The following PIK3C3 variants were observed in gnomAD, a reference collection of about 807,000 sequenced individuals.
PIK3C3 encodes PI3-kinase type 3.
In PIK3C3, 95 loss-of-function variants were observed where a neutral mutation model predicts 126.1. The ratio of observed to expected loss-of-function variants is 0.75; its 90% confidence interval spans 0.64 to 0.89. The LOEUF is 0.89. PIK3C3 is among the 40% of genes least tolerant of loss of function. The pLI, the probability that PIK3C3 is intolerant of heterozygous loss-of-function variation, is 0.00. For synonymous variants in PIK3C3, 374 were observed against 360.0 expected, an observed-to-expected ratio of 1.04 and a Z score of -0.44; for missense variants, 829 against 1,063.2, an observed-to-expected ratio of 0.78 and a Z score of 3.06.
chr18:42,026,497 T>TTGCCCAAAGGGAG, intron 13 of PIK3C3: 1 of 152,330 alleles, frequency 6.6e-6, no homozygotes, highest in Non-Finnish European at 1.5e-5. Flanking sequence ...TCTCCCTTTG[T>TTGCCCAAAGGGAG]TGCCCAAGCT....
At chr18:42,029,268 G>T (rs773648557) in intron 14 of PIK3C3, 57 bp from the exon 15 acceptor site, 13 of 1,021,716 alleles carry the variant, frequency 1.3e-5, no homozygotes, top group Non-Finnish European at 1.7e-5. Flanking sequence ...TGCTGTTAAA[G>T]AAATCCAGAT....
intron 17 of PIK3C3, among the ~76,000 whole-genome samples, chr18:42,038,333 C>A (rs1009496467): frequency 1.3e-5 from 2 of 151,938 alleles, no homozygotes; most frequent in Non-Finnish European, 2.9e-5. Flanking sequence ...TTTTGATGAT[C>A]AAAGTTAAAT....
At chr18:42,008,608 G>C (rs1033097146) in intron 10 of PIK3C3, among the ~76,000 whole-genome samples, 1 of 152,002 alleles carries the variant, frequency 6.6e-6, no homozygotes, top group African/African-American at 2.4e-5. Flanking sequence ...GAAAAATGGT[G>C]ATCACTATCT....
chr18:42,009,944 GTT>G lies in PIK3C3; in HGVS notation c.1171-3497_1171-3496del, dbSNP rs374467405. Among the ~76,000 whole-genome samples, 47 of 152,230 alleles carry G rather than the reference GTT, an allele frequency of 3.1e-4. No individual in the cohort carries two copies. In the South Asian group the frequency reaches 9.1e-3, roughly 30 times the overall value. On this transcript the variant is annotated intron_variant, in intron 10 of 24. Coordinates refer to ENST00000262039, the MANE Select transcript of PIK3C3 (RefSeq NM_002647.4). ...CAGGGTGATGGTTGCAGAAGGTTGG[GTT>G]ACCTGTGGCAGTTTCCTAAAATAAA...
intron 15 of PIK3C3, among the ~76,000 whole-genome samples, chr18:42,031,518 G>A (rs979219317): frequency 1.3e-5 from 2 of 152,026 alleles, no homozygotes; most frequent in Admixed American, 6.6e-5. Flanking sequence ...TCTGCCTCCC[G>A]TCTTCAAGCA....
At chr18:42,054,353 G>T (rs1462141038) in intron 21 of PIK3C3, among the ~76,000 whole-genome samples, 1 of 150,722 alleles carries the variant, frequency 6.6e-6, no homozygotes, top group East Asian at 2.0e-4. Context: ...AAAGATGTAG[G>T]CTGGGAGGCT....
Position 42,064,830 on chromosome 18 carries a change from G to C in PIK3C3, c.2523G>C (p.Lys841Asn). 6.5e-7 allele frequency: 1 copy of C among 1,528,092 alleles called. No homozygotes were observed. The highest frequency in any genetic ancestry group is 9.1e-7 in the Non-Finnish European group (1 of 1,102,892). The allele number at this position is 1,528,092 out of a possible 1,614,324, so 94.7% of individuals were successfully genotyped here. ...IALEPDKTVKKVQDKFRLDLS... is the reference protein window; with the variant it reads ...IALEPDKTVKNVQDKFRLDLS... ...TTGAACCAGATAAAACTGTGAAAAA[G>C]GTAATTTTTAAGTAACATAAATGAA... The change falls in exon 23 of 25, where the codon AAG becomes AAC. Residue 841 changes from lysine (K) to asparagine (N), a missense_variant and splice_region_variant. Lys to Asn is a moderately conservative substitution (Grantham distance 94). Coordinates refer to ENST00000262039, the MANE Select transcript of PIK3C3 (RefSeq NM_002647.4).
At chr18:41,998,932 G>A (rs1184330453) in intron 9 of PIK3C3, among the ~76,000 whole-genome samples, 1 of 152,146 alleles carries the variant, frequency 6.6e-6, no homozygotes, top group Admixed American at 6.6e-5. Context: ...TATGATTTAG[G>A]TTACTTGACA....
At chr18:42,046,945 G>A (rs1002669081) in intron 20 of PIK3C3, among the ~76,000 whole-genome samples, 1 of 152,062 alleles carries the variant, frequency 6.6e-6, no homozygotes. Flanking sequence ...CTGAGCCAGG[G>A]CAAAAGACCC....
chr18:41,989,315 C>G (rs553918935), intron 5 of PIK3C3, among the ~76,000 whole-genome samples: 5 of 152,192 alleles, frequency 3.3e-5, no homozygotes, highest in Middle Eastern at 3.4e-3. Flanking sequence ...AAGCAGTCCT[C>G]CCACCTCCCA....
At chr18:42,002,464 A>G (rs1982334555) in intron 9 of PIK3C3, among the ~76,000 whole-genome samples, 1 of 152,220 alleles carries the variant, frequency 6.6e-6, no homozygotes, top group African/African-American at 2.4e-5. Context: ...AAGGTTGTCC[A>G]CATCGTATGG....
intron 1 of PIK3C3, 141 bp from the exon 2 acceptor site, chr18:41,957,429 C>A: frequency 1.4e-6 from 1 of 690,046 alleles, no homozygotes; most frequent in South Asian, 2.4e-5. Context: ...AGGTAGCATA[C>A]CTTAACACAA....
intron 20 of PIK3C3, 139 bp from the exon 21 acceptor site, chr18:42,049,392 A>C: frequency 3.9e-6 from 2 of 508,578 alleles, no homozygotes; most frequent in Non-Finnish European, 7.0e-6. Flanking sequence ...AAGATTGCAT[A>C]TTTGAGAATT....
rs1379043044 is a variant in PIK3C3, at chr18:42,038,764, T to C, written c.1969-17T>C. 2.6e-6 allele frequency: 4 copies of C among 1,542,850 alleles called. No homozygotes were observed. The highest frequency in any genetic ancestry group is 3.6e-6 in the Non-Finnish European group (4 of 1,116,900). On this transcript the variant is annotated splice_polypyrimidine_tract_variant and intron_variant, in intron 17 of 24. Transcript: ENST00000262039. ...GTCTTTACATTTGGTTAATATATTT[T>C]ACCTTTTGATTAAAAGCTGTTACGG...
chr18:42,077,800 C>T (rs528266238), intron 24 of PIK3C3, among the ~76,000 whole-genome samples: 62 of 152,286 alleles, frequency 4.1e-4, no homozygotes, highest in African/African-American at 1.4e-3. Flanking sequence ...ATGGTGAATC[C>T]TTTCCAGTAG....
intron 4 of PIK3C3, among the ~76,000 whole-genome samples, chr18:41,982,831 T>C (rs921106730): frequency 2.0e-5 from 3 of 152,312 alleles, no homozygotes; most frequent in South Asian, 2.1e-4. Context: ...GTGTGCTTAA[T>C]TGAATCTTGC....
At chr18:41,984,542 G>A (rs1675351630) in intron 4 of PIK3C3, among the ~76,000 whole-genome samples, 1 of 152,184 alleles carries the variant, frequency 6.6e-6, no homozygotes, top group Non-Finnish European at 1.5e-5. Flanking sequence ...AGCCAGAAGA[G>A]ACTGTGTTAG....
intron 9 of PIK3C3, among the ~76,000 whole-genome samples, chr18:41,997,640 T>C (rs1318616040): frequency 6.6e-6 from 1 of 152,080 alleles, no homozygotes; most frequent in Non-Finnish European, 1.5e-5. Context: ...ATAGCTAGCA[T>C]TTTTTAAACA....
At chr18:42,072,131 G>A (rs551612830) in intron 24 of PIK3C3, among the ~76,000 whole-genome samples, 2 of 152,128 alleles carry the variant, frequency 1.3e-5, no homozygotes, top group East Asian at 3.9e-4. Flanking sequence ...CAGATGACTG[G>A]CATCTATTTT....
Sources: gnomAD v4.1 joint callset for allele counts (sites outside exome capture counted in the v4.1 genomes callset) on GRCh38, gnomAD v4.1.1 for gene constraint, MANE v1.5 for transcripts, NCBI Gene and HGNC (gene_info 2026-07-23, HGNC 2026-07-21) for gene names.